The following NAA38 variants were observed in gnomAD, a reference collection of about 807,000 sequenced individuals.
The protein encoded by NAA38 is N-alpha-acetyltransferase 38, NatC auxiliary subunit.
A neutral mutation model predicts 12.6 loss-of-function variants in NAA38; 15 were observed. That is an observed-to-expected ratio of 1.19 (90% CI 0.79 to 1.83). The LOEUF is 1.83. Among genes scored for constraint, NAA38 ranks in the 40% most tolerant of loss-of-function variants. The pLI is 0.00. For missense variants in NAA38, 183 were observed against 171.7 expected (o/e 1.07, Z -0.37); for synonymous variants, 88 against 69.9 (o/e 1.26, Z -1.29).
upstream of NAA38, chr17:7,862,880 C>G (rs1405795385): frequency 6.6e-6 from 1 of 151,948 alleles, no homozygotes; most frequent in East Asian, 1.9e-4. Flanking sequence ...GGAGGGAAAA[C>G]CCTTCCAAAG....
At chr17:7,869,614 T>C (rs1350286596) in intron 2 of NAA38, among the ~76,000 whole-genome samples, 3 of 151,672 alleles carry the variant, frequency 2.0e-5, no homozygotes, top group African/African-American at 7.3e-5. Flanking sequence ...ATATAAAAAA[T>C]TAGCTGGGTG....
chr17:7,870,621 C>T (rs1967068989), intron 2 of NAA38, among the ~76,000 whole-genome samples: 2 of 152,220 alleles, frequency 1.3e-5, no homozygotes, highest in Non-Finnish European at 2.9e-5. Context: ...GTGGCTCACG[C>T]CTGTAATCCC....
intron 2 of NAA38, among the ~76,000 whole-genome samples, chr17:7,867,958 GGA>G (rs1056226184): frequency 2.6e-5 from 4 of 152,212 alleles, no homozygotes; most frequent in Non-Finnish European, 5.9e-5. Flanking sequence ...AGGAACTGCT[GGA>G]AGAGGACTTT....
In NAA38 at chr17:7,868,518, T is replaced by C. The variant is rs75779556; in HGVS notation, c.-65-1960A>G. 7.8e-3 allele frequency among the ~76,000 whole-genome samples: 1,181 copies of C among 152,170 alleles called. 13 individuals are homozygous for C. The highest frequency in any genetic ancestry group is 0.026 in the African/African-American group (1,083 of 41,498). On this transcript the variant is annotated intron_variant, in intron 2 of 4. Transcript: ENST00000576861. ...CCTTTGGATTCCATTTCTTCAACCA[T>C]AAAATACAGATAATAGAAAGTAAGA...
At chr17:7,885,203 G>C (rs568441362) in exon 1 of NAA38, 265 of 931,384 alleles carry the variant, frequency 2.8e-4, no homozygotes, top group Non-Finnish European at 3.3e-4. Context: ...GCGCGAATCC[G>C]GGGCTCGGGC....
intron 1 of NAA38, chr17:7,884,795 CAGAGCCACAGGATGGCTTCCCCTCTGAGG>C: frequency 1.9e-6 from 1 of 534,006 alleles, no homozygotes; most frequent in Non-Finnish European, 2.9e-6. Flanking sequence ...GTGGGGGGGC[CAGAGCCACAGGATGGCTTCCCCTCTGAGG>C]GACGAGGAGG....
chr17:7,858,471 A>AC (rs1397464183), upstream of NAA38: 12 of 1,614,136 alleles, frequency 7.4e-6, no homozygotes, highest in Non-Finnish European at 1.0e-5. Context: ...TGATCCAAAG[A>AC]CCAGAGACGT....
upstream of NAA38, chr17:7,857,645 T>C: frequency 1.5e-6 from 2 of 1,347,196 alleles, no homozygotes; most frequent in Non-Finnish European, 9.5e-7. Context: ...GCGCTGTGGC[T>C]CACTGAAGCG....
At chr17:7,880,880 G>A (rs1179844951) in intron 2 of NAA38, among the ~76,000 whole-genome samples, 1 of 152,160 alleles carries the variant, frequency 6.6e-6, no homozygotes, top group African/African-American at 2.4e-5. Context: ...AGTACTGGTA[G>A]TGAACGCATG....
At chr17:7,863,828 C>T (rs1966916149) in intron 3 of NAA38, 1 of 152,138 alleles carries the variant, frequency 6.6e-6, no homozygotes, top group African/African-American at 2.4e-5. Context: ...AGTTATAATA[C>T]AATGTGGTCC....
chr17:7,885,047 C>G, intron 1 of NAA38: 1 of 1,042,706 alleles, frequency 9.6e-7, no homozygotes, highest in African/African-American at 1.7e-5. Context: ...GCCGCCGCCG[C>G]CACCGCTGCC....
upstream of NAA38, chr17:7,858,625 C>G (rs1283335860): frequency 2.5e-6 from 4 of 1,604,562 alleles, no homozygotes; most frequent in Non-Finnish European, 3.4e-6. Flanking sequence ...CACATAGATC[C>G]GCTGACCGGC....
chr17:7,885,180 A>G, exon 1 of NAA38: 1 of 977,214 alleles, frequency 1.0e-6, no homozygotes, highest in Non-Finnish European at 1.2e-6. Flanking sequence ...GGCCGAGCCG[A>G]GGCGAATCCG....
chr17:7,873,301 C>T (rs896720450), intron 2 of NAA38, among the ~76,000 whole-genome samples: 5 of 152,194 alleles, frequency 3.3e-5, no homozygotes, highest in Admixed American at 6.5e-5. Context: ...ACCAGGAATG[C>T]GAAACTACAG....
chr17:7,884,865 A>G, intron 1 of NAA38: 2 of 1,228,148 alleles, frequency 1.6e-6, no homozygotes, highest in South Asian at 1.5e-5. Flanking sequence ...GTGTCGGAGG[A>G]GGAAGAAGAG....
intron 2 of NAA38, among the ~76,000 whole-genome samples, chr17:7,873,346 G>A (rs1330921689): frequency 6.6e-6 from 1 of 152,136 alleles, no homozygotes; most frequent in Non-Finnish European, 1.5e-5. Flanking sequence ...AAAAGGGGGT[G>A]GTCAAGTGAA....
In NAA38 at chr17:7,857,256, C is replaced by T. The variant is rs144163075; in HGVS notation, c.82-58G>A. 0.012 allele frequency: 19,634 copies of T among 1,610,054 alleles called. 157 individuals are homozygous for T. The highest frequency in any genetic ancestry group is 0.016 in the Middle Eastern group (98 of 6,018). On this transcript the variant is annotated intron_variant, in intron 1 of 2. Coordinates refer to ENST00000575771, the MANE Select transcript of NAA38 (RefSeq NM_001320925.4). ...CAGCCCAGGCTGCCCGCCCGCGGAA[C>T]CACAGCTCCCGGCAGCCCGCGGGGC...
At chr17:7,876,841 T>G (rs1291092747) in intron 2 of NAA38, among the ~76,000 whole-genome samples, 1 of 152,236 alleles carries the variant, frequency 6.6e-6, no homozygotes, top group Non-Finnish European at 1.5e-5. Context: ...TGGCAACTAC[T>G]GTGGTTTCCT....
chr17:7,858,337 GCA>G (rs767279125), upstream of NAA38: 20 of 1,613,842 alleles, frequency 1.2e-5, no homozygotes, highest in Non-Finnish European at 1.7e-5. Context: ...GTGTGTGTGT[GCA>G]CGCGCGCGTT....
Sources: allele counts gnomAD v4.1 joint callset (sites outside exome capture counted in the v4.1 genomes callset), GRCh38; gene constraint gnomAD v4.1.1; transcripts MANE v1.5; gene names NCBI Gene and HGNC (gene_info 2026-07-23, HGNC 2026-07-21).